The following POLN variants were observed in gnomAD, a reference collection of about 807,000 sequenced individuals.
POLN encodes DNA polymerase nu.
Under a neutral mutation model 113.5 loss-of-function variants are expected in POLN, and 108 were observed. That is an observed-to-expected ratio of 0.95 (90% CI 0.81 to 1.12). The LOEUF (loss-of-function observed/expected upper bound fraction) is 1.12, where lower values mean the gene tolerates loss of function less well. POLN is among the 50% of genes most tolerant of loss of function. The pLI is 0.00. For missense variants in POLN, 1,097 were observed against 1,077.1 expected (o/e 1.02, Z -0.26); for synonymous variants, 386 against 391.5 (o/e 0.99, Z 0.17).
At chr4:2,099,277 A>G (rs949782706) in intron 19 of POLN, among the ~76,000 whole-genome samples, 2 of 152,174 alleles carry the variant, frequency 1.3e-5, no homozygotes, top group Non-Finnish European at 2.9e-5. Context: ...AGTAGAAGAG[A>G]GTATCTTTAT....
At chr4:2,134,257 C>T (rs1731797822) in intron 16 of POLN, among the ~76,000 whole-genome samples, 1 of 152,130 alleles carries the variant, frequency 6.6e-6, no homozygotes, top group African/African-American at 2.4e-5. Context: ...TATCTATTCA[C>T]TTCTAAAAAG....
intron 13 of POLN, among the ~76,000 whole-genome samples, chr4:2,160,934 C>A (rs576148334): frequency 6.6e-6 from 1 of 152,190 alleles, no homozygotes; most frequent in Non-Finnish European, 1.5e-5. Context: ...TGTTTGTGTG[C>A]TGCATGAAAT....
intron 13 of POLN, among the ~76,000 whole-genome samples, chr4:2,166,886 AC>A (rs1732742196): frequency 6.6e-6 from 1 of 151,772 alleles, no homozygotes; most frequent in South Asian, 2.1e-4. Context: ...ACTTCACAGC[AC>A]CCCCAACTGC....
At chr4:2,111,776 A>G (rs1219416400) in intron 19 of POLN, among the ~76,000 whole-genome samples, 2 of 152,154 alleles carry the variant, frequency 1.3e-5, no homozygotes, top group African/African-American at 4.8e-5. Context: ...CCATGCTCAT[A>G]AGTAGGAAGA....
chr4:2,138,596 A>G (rs1351368432), intron 16 of POLN, among the ~76,000 whole-genome samples: 2 of 152,162 alleles, frequency 1.3e-5, no homozygotes, highest in African/African-American at 4.8e-5. Flanking sequence ...GAAGCCAAAG[A>G]TCTGGCTTAA....
chr4:2,080,400 C>T (rs1730378910), intron 23 of POLN: 1 of 1,033,568 alleles, frequency 9.7e-7, no homozygotes, highest in Non-Finnish European at 1.2e-6. Flanking sequence ...TGCATGTTGG[C>T]TCTGGGCTCG....
At chr4:2,149,524 T>A (rs553625361) in intron 16 of POLN, among the ~76,000 whole-genome samples, 1 of 152,162 alleles carries the variant, frequency 6.6e-6, no homozygotes, top group Non-Finnish European at 1.5e-5. Context: ...AGTAACTACA[T>A]GGGTAGATAG....
In POLN at chr4:2,238,903, T is replaced by G; in HGVS notation, c.-13+2617A>C. 1.9e-6 allele frequency: 3 copies of G among 1,613,004 alleles called. No homozygotes were observed. In the South Asian group the frequency reaches 3.3e-5, roughly 18 times the overall value. ...GCAGATCAAAATCTCCCTTTACCACTGGCATATTCAATAACTGGGCATTCT... is the reference window on the plus strand; with the variant it reads ...GCAGATCAAAATCTCCCTTTACCACGGGCATATTCAATAACTGGGCATTCT... On this transcript the variant is annotated intron_variant, in intron 2 of 25. Transcript: ENST00000511885.
At chr4:2,176,124 C>T (rs1188788403) in intron 9 of POLN, 142 bp downstream of exon 9, 2 of 699,904 alleles carry the variant, frequency 2.9e-6, no homozygotes, top group East Asian at 5.6e-5. Flanking sequence ...CAACCCTTTT[C>T]TGAGTAATGC....
intron 3 of POLN, among the ~76,000 whole-genome samples, chr4:2,218,730 A>G (rs987487177): frequency 6.6e-6 from 1 of 152,212 alleles, no homozygotes; most frequent in Non-Finnish European, 1.5e-5. Flanking sequence ...GATGGAAAAG[A>G]ATGTGTTCAC....
At chr4:2,105,846 ATGG>A (rs745882094) in intron 19 of POLN, among the ~76,000 whole-genome samples, 12 of 148,910 alleles carry the variant, frequency 8.1e-5, no homozygotes, top group South Asian at 2.1e-4. Flanking sequence ...GATGATGATG[ATGG>A]TGATGATAAA....
chr4:2,143,664 GAGGA>G (rs1732061367), intron 16 of POLN, among the ~76,000 whole-genome samples: 1 of 152,120 alleles, frequency 6.6e-6, no homozygotes, highest in African/African-American at 2.4e-5. Flanking sequence ...AAAAGCACAA[GAGGA>G]AGGAACACTT....
At chr4:2,088,104 C>T (rs1330249911) in intron 20 of POLN, among the ~76,000 whole-genome samples, 1 of 152,046 alleles carries the variant, frequency 6.6e-6, no homozygotes, top group African/African-American at 2.4e-5. Context: ...AATCCAACTT[C>T]TATATTTACA....
chr4:2,127,505 TGA>T lies in POLN; in HGVS notation c.1982+606_1982+607del, dbSNP rs776242091. 4.6e-5 allele frequency among the ~76,000 whole-genome samples: 7 copies of T among 151,906 alleles called. No individual in the cohort carries two copies. The highest frequency in any genetic ancestry group is 1.0e-4 in the Non-Finnish European group (7 of 67,954). On this transcript the variant is annotated intron_variant, in intron 19 of 25. Coordinates refer to ENST00000511885, the MANE Select transcript of POLN (RefSeq NM_181808.4). The surrounding 1 kb of genome is among the most constrained non-coding windows in gnomAD (Gnocchi z 4.7). The stretch of plus-strand genomic sequence containing the variant: ...GACTTTCCTGGGCAGAGGAGAGGGG[TGA>T]GAGAGAGCCTTGCACCCGTCTCTCC...
chr4:2,238,851 C>T, intron 2 of POLN: 1 of 1,613,214 alleles, frequency 6.2e-7, no homozygotes, highest in Non-Finnish European at 8.5e-7. Context: ...TCTTGTCTTG[C>T]TGTATAATAA....
intron 2 of POLN, among the ~76,000 whole-genome samples, chr4:2,236,757 G>A (rs1577799062): frequency 3.3e-5 from 5 of 151,818 alleles, no homozygotes; most frequent in East Asian, 1.9e-4. Flanking sequence ...CAGATACTCC[G>A]GAGGCTGAGG....
chr4:2,229,128 T>C lies in POLN; in HGVS notation c.104A>G (p.Asp35Gly). ...MSAMHSGDLVDSKTWGKSTET... is the reference protein window; with the variant it reads ...MSAMHSGDLVGSKTWGKSTET... ...TGTACTCTTTCCCCAAGTCTTAGAA[T>C]CCACTAAATCACCTGAATGCATAGC... Residue 35 changes from aspartate (D) to glycine (G), a missense_variant, in exon 3 of 26, where the codon GAT (aspartate) becomes GGT (glycine). Physicochemically the swap from Asp to Gly is moderately conservative, Grantham distance 94. Coordinates refer to ENST00000511885, the MANE Select transcript of POLN (RefSeq NM_181808.4). 1 of 1,609,724 alleles carries C rather than the reference T, an allele frequency of 6.2e-7. No individual in the cohort carries two copies.
intron 23 of POLN, chr4:2,079,525 CGT>C (rs1730354413): frequency 2.0e-6 from 2 of 985,470 alleles, no homozygotes; most frequent in Admixed American, 6.2e-5. Context: ...TGTGTGTGCA[CGT>C]GTGTGTTGGG....
Position 2,200,223 on chromosome 4 carries a change from G to C in POLN, c.715-1506C>G, listed in dbSNP as rs975523263. The stretch of plus-strand genomic sequence containing the variant: ...GAAGCACAATACCCAAAAGAATCTT[G>C]AAAAAGACAAAGTTGGAGGACTCAC... On this transcript the variant is annotated intron_variant, in intron 5 of 25. Coordinates refer to ENST00000511885, the MANE Select transcript of POLN (RefSeq NM_181808.4). Among the ~76,000 whole-genome samples, 30 of 152,070 alleles carry C rather than the reference G, an allele frequency of 2.0e-4. 1 individual carries two copies. The highest frequency in any genetic ancestry group is 6.5e-4 in the African/African-American group (27 of 41,418).
Sources: allele counts gnomAD v4.1 joint callset (sites outside exome capture counted in the v4.1 genomes callset), GRCh38; gene constraint gnomAD v4.1.1; non-coding constraint Gnocchi (gnomAD v3.1); transcripts MANE v1.5; gene names NCBI Gene and HGNC (gene_info 2026-07-23, HGNC 2026-07-21).